The following PDE10A variants were observed in gnomAD, a reference collection of about 807,000 sequenced individuals.
The protein encoded by PDE10A is phosphodiesterase 10A.
A neutral mutation model predicts 97.7 loss-of-function variants in PDE10A; 39 were observed. That is an observed-to-expected ratio of 0.40 (90% CI 0.31 to 0.52). The LOEUF (loss-of-function observed/expected upper bound fraction) is 0.52. Among genes scored for constraint, PDE10A ranks in the 20% least tolerant of loss-of-function variants. The pLI, the probability that PDE10A is intolerant of heterozygous loss-of-function variation, is 0.56. For synonymous variants in PDE10A, 371 were observed against 376.8 expected (o/e 0.98, Z 0.18); for missense variants, 731 against 1,047.8 (o/e 0.70, Z 4.17).
rs149945935 is a variant in PDE10A, at chr6:165,732,616, T to C, written c.-614-189048A>G. On this transcript the variant is annotated intron_variant, in intron 1 of 19. Transcript: ENST00000366882. Reference sequence around the variant, plus strand: ...TCCATCTCTAACCATGTCATTAACATGAGTGGGCTCATTGCTGAAGTTACA... The same window carrying C: ...TCCATCTCTAACCATGTCATTAACACGAGTGGGCTCATTGCTGAAGTTACA... Among the ~76,000 whole-genome samples, 294 of 152,366 alleles carry C rather than the reference T, an allele frequency of 1.9e-3. 2 individuals are homozygous for C. The highest frequency in any genetic ancestry group is 6.8e-3 in the African/African-American group (282 of 41,590).
intron 1 of PDE10A, among the ~76,000 whole-genome samples, chr6:165,774,118 C>T (rs1778094724): frequency 6.6e-6 from 1 of 152,058 alleles, no homozygotes; most frequent in African/African-American, 2.4e-5. Context: ...CACTAGCTCC[C>T]TCTGAAAGCC....
At chr6:165,350,589 G>C (rs1384974911) in intron 18 of PDE10A, among the ~76,000 whole-genome samples, 1 of 152,138 alleles carries the variant, frequency 6.6e-6, no homozygotes, top group Non-Finnish European at 1.5e-5. Flanking sequence ...TGAATTGTGA[G>C]GATATGAGAT....
intron 2 of PDE10A, among the ~76,000 whole-genome samples, chr6:165,537,563 T>C (rs1783166029): frequency 6.6e-6 from 1 of 151,988 alleles, no homozygotes; most frequent in Middle Eastern, 3.2e-3. Context: ...AATATATTCA[T>C]AATTTTAAAT....
intron 1 of PDE10A, among the ~76,000 whole-genome samples, chr6:165,962,701 A>T (rs1394277490): frequency 6.6e-6 from 1 of 152,226 alleles, no homozygotes; most frequent in East Asian, 1.9e-4. Context: ...TCTAGGCCCA[A>T]ACTAGCCAGC....
At chr6:165,590,285 C>T (rs997576451) in intron 1 of PDE10A, among the ~76,000 whole-genome samples, 3 of 152,158 alleles carry the variant, frequency 2.0e-5, no homozygotes, top group African/African-American at 2.4e-5. Context: ...AGTATTATTC[C>T]CTCCATTTTA....
intron 2 of PDE10A, among the ~76,000 whole-genome samples, chr6:165,538,838 C>A (rs979999067): frequency 6.6e-6 from 1 of 152,078 alleles, no homozygotes; most frequent in Non-Finnish European, 1.5e-5. Flanking sequence ...ATACTTTGTA[C>A]AAATACAGAC....
intron 1 of PDE10A, among the ~76,000 whole-genome samples, chr6:165,947,381 A>G (rs1217301117): frequency 6.6e-6 from 1 of 152,222 alleles, no homozygotes; most frequent in Non-Finnish European, 1.5e-5. Context: ...TCCATTGTAC[A>G]GCTACTTTTT....
chr6:165,921,442 C>T (rs1460917538), intron 1 of PDE10A, among the ~76,000 whole-genome samples: 1 of 152,096 alleles, frequency 6.6e-6, no homozygotes, highest in Non-Finnish European at 1.5e-5. Context: ...AGAGTAAAGC[C>T]AGATAATAAA....
chr6:165,642,157 G>A (rs1789167246), intron 1 of PDE10A, among the ~76,000 whole-genome samples: 1 of 152,160 alleles, frequency 6.6e-6, no homozygotes. Flanking sequence ...TGCACAAGCT[G>A]CCCCTCCGCC....
At chr6:165,518,697 T>C (rs1339518095) in intron 2 of PDE10A, among the ~76,000 whole-genome samples, 1 of 152,214 alleles carries the variant, frequency 6.6e-6, no homozygotes, top group Non-Finnish European at 1.5e-5. Flanking sequence ...AAAACAATTG[T>C]CTGCTGAGGT....
intron 1 of PDE10A, among the ~76,000 whole-genome samples, chr6:165,958,788 T>C (rs1477623352): frequency 6.7e-6 from 1 of 148,402 alleles, no homozygotes; most frequent in East Asian, 2.1e-4. Flanking sequence ...CAGCCATGCC[T>C]CCCGACTCAT....
Position 165,454,306 on chromosome 6 carries a change from C to A in PDE10A, c.1024-3944G>T, listed in dbSNP as rs374797741. ...GAGACCCTGGACTGATGCTGTACAA[C>A]TTAAGAACTTTGAGGCCACTGAAAT... On this transcript the variant is annotated intron_variant, in intron 3 of 21. Coordinates refer to ENST00000539869, the MANE Select transcript of PDE10A (RefSeq NM_001385079.1). Among the ~76,000 whole-genome samples the A allele has an allele frequency of 1.1e-4, 17 of 152,262 alleles. No individual in the cohort carries two copies. The East Asian group carries it at 3.1e-3, about 28-fold the overall frequency.
intron 1 of PDE10A, chr6:165,660,210 C>T (rs1230615084): frequency 6.5e-6 from 1 of 152,792 alleles, no homozygotes; most frequent in Non-Finnish European, 1.5e-5. Context: ...TCCTCTACCA[C>T]CTTCAATGCA....
chr6:165,690,972 C>T (rs1349823114), intron 1 of PDE10A, among the ~76,000 whole-genome samples: 4 of 152,114 alleles, frequency 2.6e-5, no homozygotes, highest in Admixed American at 2.6e-4. Context: ...GAACCTACAA[C>T]ACCAGCTTTC....
chr6:165,639,036 G>A (rs1789006681), intron 1 of PDE10A, among the ~76,000 whole-genome samples: 2 of 140,414 alleles, frequency 1.4e-5, no homozygotes, highest in South Asian at 5.4e-4. Context: ...GGAAGGGAGG[G>A]AAGGAAGGAG....
rs146186410 is a variant in PDE10A, at chr6:165,916,048, A to T, written c.-615+71481T>A. Among the ~76,000 whole-genome samples the T allele has an allele frequency of 2.0e-5, 3 of 152,378 alleles. No individual in the cohort carries two copies. In the East Asian group the frequency reaches 5.8e-4, roughly 29 times the overall value. On this transcript the variant is annotated intron_variant, in intron 1 of 19. Coordinates refer to the PDE10A transcript ENST00000366882. ...TGCTGCACTCTAAATTTGGATGTAAACAACAGCAATCAATGAGTAATTGCA... is the reference window on the plus strand; with the variant it reads ...TGCTGCACTCTAAATTTGGATGTAATCAACAGCAATCAATGAGTAATTGCA...
At chr6:165,413,719 A>G (rs756876337) in intron 12 of PDE10A, 32 bp from the exon 13 acceptor site, 2 of 1,548,954 alleles carry the variant, frequency 1.3e-6, no homozygotes, top group Non-Finnish European at 1.8e-6. Flanking sequence ...AATAACAACA[A>G]CAACAAAAGG....
At chr6:165,365,098 T>C (rs188403554) in intron 18 of PDE10A, among the ~76,000 whole-genome samples, 4 of 152,050 alleles carry the variant, frequency 2.6e-5, no homozygotes, top group Admixed American at 2.6e-4. Context: ...ATGAAAAATT[T>C]TATAAAAGTT....
intron 1 of PDE10A, among the ~76,000 whole-genome samples, chr6:165,838,272 G>A (rs1780120729): frequency 1.3e-5 from 2 of 152,132 alleles, no homozygotes; most frequent in Admixed American, 6.5e-5. Context: ...AATGCCTTTT[G>A]GCCAAAACAA....
Sources: allele counts gnomAD v4.1 joint callset (sites outside exome capture counted in the v4.1 genomes callset), GRCh38; gene constraint gnomAD v4.1.1; transcripts MANE v1.5; gene names NCBI Gene and HGNC (gene_info 2026-07-23, HGNC 2026-07-21).